The following RAPGEF4 variants were observed in gnomAD, a reference collection of about 807,000 sequenced individuals.
RAPGEF4 encodes the protein RAP guanine-nucleotide-exchange factor (GEF) 4.
Under a neutral mutation model 147.9 loss-of-function variants are expected in RAPGEF4, and 66 were observed. That is an observed-to-expected ratio of 0.45 (90% CI 0.37 to 0.55). RAPGEF4 has a LOEUF of 0.55. Among genes scored for constraint, RAPGEF4 ranks in the 20% least tolerant of loss-of-function variants. The pLI, the probability that RAPGEF4 is intolerant of heterozygous loss-of-function variation, is 0.00. For missense variants in RAPGEF4, 1,071 were observed against 1,257.3 expected, an observed-to-expected ratio of 0.85 and a Z score of 2.24; for synonymous variants, 419 against 442.7, an observed-to-expected ratio of 0.95 and a Z score of 0.67.
At chr2:172,802,692 G>A (rs1687098076) in intron 3 of RAPGEF4, among the ~76,000 whole-genome samples, 1 of 152,154 alleles carries the variant, frequency 6.6e-6, no homozygotes, top group Non-Finnish European at 1.5e-5. Context: ...ATTCATTTCA[G>A]CATCAACTCA....
intron 1 of RAPGEF4, among the ~76,000 whole-genome samples, chr2:172,742,533 G>A (rs942345194): frequency 2.0e-5 from 3 of 151,958 alleles, no homozygotes; most frequent in African/African-American, 7.3e-5. Context: ...TCCATAATGA[G>A]GTATATAATG....
chr2:172,869,750 T>C (rs1479106257), intron 4 of RAPGEF4, among the ~76,000 whole-genome samples: 1 of 152,240 alleles, frequency 6.6e-6, no homozygotes, highest in Non-Finnish European at 1.5e-5. Flanking sequence ...AATGTGTGTT[T>C]GTTTATCTGC....
At chr2:173,045,213 C>T (rs1685309802) in intron 29 of RAPGEF4, among the ~76,000 whole-genome samples, 1 of 152,276 alleles carries the variant, frequency 6.6e-6, no homozygotes, top group South Asian at 2.1e-4. Context: ...ATCAACTGTA[C>T]GTGCACAGAG....
chr2:172,963,173 C>T (rs1013749106), intron 8 of RAPGEF4, among the ~76,000 whole-genome samples: 1 of 152,082 alleles, frequency 6.6e-6, no homozygotes, highest in Admixed American at 6.5e-5. Context: ...GAAAATTTGC[C>T]CCCGTGATCC....
chr2:172,773,628 C>G (rs1399780023), intron 1 of RAPGEF4, among the ~76,000 whole-genome samples: 2 of 151,352 alleles, frequency 1.3e-5, no homozygotes, highest in African/African-American at 4.9e-5. Context: ...CCCACACTGC[C>G]TCCCTGCCCC....
intron 1 of RAPGEF4, among the ~76,000 whole-genome samples, chr2:172,771,877 A>G (rs1262437742): frequency 6.6e-6 from 1 of 152,224 alleles, no homozygotes; most frequent in Admixed American, 6.5e-5. Context: ...AAAAGCCCAC[A>G]TTTGATCTTT....
chr2:173,010,051 GA>G (rs1347823236), intron 17 of RAPGEF4, among the ~76,000 whole-genome samples: 5 of 152,140 alleles, frequency 3.3e-5, no homozygotes, highest in Non-Finnish European at 7.4e-5. Flanking sequence ...CTAGTTCCAA[GA>G]ATTCCTTTGA....
Position 173,036,165 on chromosome 2 carries a change from C to G in RAPGEF4, c.2741C>G (p.Ala914Gly). ...RNHRAYRLTV[A>G]KLEPPLIPFM... is the part of the protein sequence containing the mutation. ...CACAGGGCCTACAGGCTGACAGTAG[C>G]TAAGCTGGAACCTCCTCTCATCCCC... Residue 914 changes from alanine (A) to glycine (G), a missense_variant, in exon 28 of 31, where the codon GCT becomes GGT. By Grantham distance (60) the Ala-to-Gly change is moderately conservative (BLOSUM62 0). Transcript: ENST00000397081. 1.2e-6 allele frequency: 2 copies of G among 1,613,170 alleles called. No individual in the cohort carries two copies. Among genetic ancestry groups the G allele is most frequent in the Non-Finnish European group, 1.7e-6 (2 of 1,179,466 alleles).
intron 6 of RAPGEF4, among the ~76,000 whole-genome samples, chr2:172,953,017 C>G (rs1387187212): frequency 6.6e-6 from 1 of 152,054 alleles, no homozygotes; most frequent in Non-Finnish European, 1.5e-5. Flanking sequence ...TCCAGGCAGC[C>G]TGTTTCCTGG....
chr2:172,914,202 G>T (rs1249845406), intron 4 of RAPGEF4, among the ~76,000 whole-genome samples: 1 of 151,076 alleles, frequency 6.6e-6, no homozygotes, highest in Non-Finnish European at 1.5e-5. Context: ...CTGTTTTGTT[G>T]TTGTTTGGTT....
chr2:172,990,769 T>G (rs377542678), intron 14 of RAPGEF4, 41 bp from the exon 15 acceptor site: 10 of 1,466,854 alleles, frequency 6.8e-6, no homozygotes, highest in Non-Finnish European at 9.5e-6. Flanking sequence ...ATTGTCTGAG[T>G]AAGCGGCAGC....
At chr2:172,792,239 C>A (rs1574851780) in intron 1 of RAPGEF4, among the ~76,000 whole-genome samples, 1 of 152,212 alleles carries the variant, frequency 6.6e-6, no homozygotes, top group Non-Finnish European at 1.5e-5. Context: ...CCCAGACACA[C>A]CAAGACTGAA....
At chr2:172,799,917 G>C (rs1686800962) in intron 3 of RAPGEF4, among the ~76,000 whole-genome samples, 2 of 152,074 alleles carry the variant, frequency 1.3e-5, no homozygotes, top group Non-Finnish European at 2.9e-5. Context: ...TCTGGCCAGG[G>C]GTTTCGGGAA....
Position 172,795,048 on chromosome 2 carries a change from A to T in RAPGEF4, c.89A>T (p.Asp30Val). The T allele has an allele frequency of 6.2e-7, 1 of 1,614,082 alleles. No homozygotes were observed. The highest frequency in any genetic ancestry group is 8.5e-7 in the Non-Finnish European group (1 of 1,179,958). ...DKRPLERSSE[D>V]VDIIFTRLKE... ...AGACCACTGGAGCGATCCAGCGAAGATGTGGATATAATCTTCACTCGACTG... is the reference window on the plus strand; with the variant it reads ...AGACCACTGGAGCGATCCAGCGAAGTTGTGGATATAATCTTCACTCGACTG... The change falls in exon 2 of 31, where the codon GAT (aspartate) becomes GTT (valine). Residue 30 changes from aspartate (D) to valine (V), a missense_variant. Coordinates refer to ENST00000397081, the MANE Select transcript of RAPGEF4 (RefSeq NM_007023.4).
chr2:172,880,136 CA>C (rs1213345098), intron 4 of RAPGEF4, among the ~76,000 whole-genome samples: 1 of 152,174 alleles, frequency 6.6e-6, no homozygotes, highest in African/African-American at 2.4e-5. Flanking sequence ...TGACTGGAAC[CA>C]AAGAGTCCAT....
rs558912914 is a variant in RAPGEF4 at position 172,967,688 on chromosome 2, C to T, written c.1004+244C>T. On this transcript the variant is annotated intron_variant, in intron 10 of 30. Coordinates refer to ENST00000397081, the MANE Select transcript of RAPGEF4 (RefSeq NM_007023.4). ...TGTAGAGGTTGTCAGTAGTTGGCTC[C>T]GGCTGTCAAAACTGAGTCCCCATAT... 3.2e-4 allele frequency among the ~76,000 whole-genome samples: 48 copies of T among 152,266 alleles called. No homozygotes were observed. In the South Asian group the frequency reaches 7.1e-3, roughly 22 times the overall value.
chr2:173,036,294 A>AC, intron 28 of RAPGEF4, 82 bp downstream of exon 28: 1 of 1,116,022 alleles, frequency 9.0e-7, no homozygotes. Context: ...AAGATTGATT[A>AC]CTTAGGGAAG....
intron 6 of RAPGEF4, among the ~76,000 whole-genome samples, chr2:172,925,728 G>A (rs1047317764): frequency 1.4e-5 from 2 of 147,944 alleles, no homozygotes; most frequent in African/African-American, 5.0e-5. Context: ...CTGGGCAACC[G>A]AGTGAGAAGA....
intron 29 of RAPGEF4, among the ~76,000 whole-genome samples, chr2:173,046,324 A>G (rs1185525806): frequency 6.6e-6 from 1 of 152,262 alleles, no homozygotes; most frequent in African/African-American, 2.4e-5. Context: ...GAAGTCTCAG[A>G]GTATAGCTTT....
Sources: allele counts gnomAD v4.1 joint callset (sites outside exome capture counted in the v4.1 genomes callset), GRCh38; gene constraint gnomAD v4.1.1; transcripts MANE v1.5; gene names NCBI Gene and HGNC (gene_info 2026-07-23, HGNC 2026-07-21).